ADH1C: variants seen among roughly 807,000 people sequenced by gnomAD.
ADH1C encodes the protein alcohol dehydrogenase 1C.
Under a neutral mutation model 35.0 loss-of-function variants are expected in ADH1C, and 26 were observed. The ratio of observed to expected loss-of-function variants is 0.74; its 90% CI spans 0.54 to 1.03. The LOEUF is 1.03. Ranked by LOEUF, ADH1C falls within the 50% of genes least tolerant of loss-of-function variation. ADH1C has a pLI of 0.00. For missense variants in ADH1C, 413 were observed against 465.4 expected (o/e 0.89, Z 1.04); for synonymous variants, 170 against 169.3 (o/e 1.00, Z -0.03).
intron 6 of ADH1C, among the ~76,000 whole-genome samples, chr4:99,341,439 G>A (rs1734413375): frequency 6.6e-6 from 1 of 152,146 alleles, no homozygotes; most frequent in Non-Finnish European, 1.5e-5. Flanking sequence ...ACATGTGGCT[G>A]TCAGACATTT....
chr4:99,344,128 A>T (rs1734473632), intron 5 of ADH1C, among the ~76,000 whole-genome samples: 1 of 152,174 alleles, frequency 6.6e-6, no homozygotes, highest in East Asian at 1.9e-4. Flanking sequence ...TGCTCATATT[A>T]AGCAGAAGTC....
At chr4:99,338,366 GATA>G (rs1404116285) in intron 8 of ADH1C, among the ~76,000 whole-genome samples, 2 of 121,490 alleles carry the variant, frequency 1.6e-5, no homozygotes, top group Non-Finnish European at 3.3e-5. Flanking sequence ...TAATGACAAT[GATA>G]ATTAACCTTT....
chr4:99,342,685 T>C, intron 6 of ADH1C, 110 bp downstream of exon 6: 2 of 1,504,970 alleles, frequency 1.3e-6, no homozygotes, highest in Non-Finnish European at 1.8e-6. Flanking sequence ...GACGGGAAAT[T>C]TCCATTCATC....
chr4:99,342,070 T>C (rs1052170674), intron 6 of ADH1C, among the ~76,000 whole-genome samples: 1 of 152,048 alleles, frequency 6.6e-6, no homozygotes, highest in African/African-American at 2.4e-5. Context: ...GCTGCTGACA[T>C]TTATTGGAAG....
chr4:99,342,730 C>T, intron 6 of ADH1C, 65 bp downstream of exon 6: 3 of 1,604,550 alleles, frequency 1.9e-6, no homozygotes, highest in African/African-American at 1.3e-5. Context: ...TACGTATATT[C>T]TACTGCCTAA....
At chr4:99,352,576 A>T in intron 1 of ADH1C, 82 bp downstream of exon 1, 1 of 1,221,546 alleles carries the variant, frequency 8.2e-7, no homozygotes, top group Middle Eastern at 2.8e-4. Context: ...TAAATTTTAA[A>T]TTATTCATTA....
chr4:99,340,661 A>G lies in ADH1C; in HGVS notation c.878T>C (p.Val293Ala), dbSNP rs1214454664. Residue 293 changes from valine (V) to alanine (A), a missense_variant, in exon 7 of 9, where the codon GTA (valine) becomes GCA (alanine). By Grantham distance (64) the Val-to-Ala change is moderately conservative. Coordinates refer to ENST00000515683, the MANE Select transcript of ADH1C (RefSeq NM_000669.5). ...CHEACGTSVI[V>A]GVPPDSQNLS... is the part of the protein sequence containing the mutation. ...GTTCTGGGAATCAGGAGGTACCCCT[A>G]CAATGACACTTGTGCCACATGCCTC... 3 of 1,613,322 alleles carry G rather than the reference A, an allele frequency of 1.9e-6. No homozygotes were observed. The highest frequency in any genetic ancestry group is 2.2e-5 in the South Asian group (2 of 91,036).
chr4:99,348,844 T>C (rs1003174992), intron 1 of ADH1C, among the ~76,000 whole-genome samples: 56 of 152,338 alleles, frequency 3.7e-4, no homozygotes, highest in African/African-American at 1.3e-3. Context: ...TGGTATCTCA[T>C]TGTGATTTTG....
At chr4:99,340,148 C>T (rs1270714637) in intron 7 of ADH1C, among the ~76,000 whole-genome samples, 3 of 152,336 alleles carry the variant, frequency 2.0e-5, no homozygotes, top group East Asian at 3.9e-4. Flanking sequence ...CATGATGGCT[C>T]ATGCCTGTAA....
chr4:99,350,189 A>T (rs1354166595), intron 1 of ADH1C, among the ~76,000 whole-genome samples: 1 of 152,154 alleles, frequency 6.6e-6, no homozygotes, highest in African/African-American at 2.4e-5. Flanking sequence ...GGAGTTTCTG[A>T]TTGTCAGGTG....
chr4:99,343,479 A>G (rs1038746959), intron 5 of ADH1C, among the ~76,000 whole-genome samples: 3 of 152,226 alleles, frequency 2.0e-5, no homozygotes, highest in African/African-American at 7.2e-5. Flanking sequence ...CAGCTTCAGT[A>G]TCTCATACAT....
intron 6 of ADH1C, among the ~76,000 whole-genome samples, chr4:99,341,069 A>G (rs1734404491): frequency 6.6e-6 from 1 of 152,226 alleles, no homozygotes; most frequent in Non-Finnish European, 1.5e-5. Context: ...TTGATTTATT[A>G]CATAGGTATT....
In ADH1C at chr4:99,342,180, G is replaced by A. The variant is rs576465595; in HGVS notation, c.828+615C>T. Among the ~76,000 whole-genome samples, 19 of 152,244 alleles carry A rather than the reference G, an allele frequency of 1.2e-4. No homozygotes were observed. The East Asian group carries it at 1.5e-3, about 12-fold the overall frequency. On this transcript the variant is annotated intron_variant, in intron 6 of 8. Coordinates refer to ENST00000515683, the MANE Select transcript of ADH1C (RefSeq NM_000669.5). ...GAGATATGTAGCTCTTAACTTTTGC[G>A]GGTGGTAAAATCTGTTGACTTTATT...
chr4:99,340,799 G>A, intron 6 of ADH1C, 89 bp from the exon 7 acceptor site: 2 of 1,552,166 alleles, frequency 1.3e-6, no homozygotes, highest in Admixed American at 3.4e-5. Context: ...GGCTTAGCTG[G>A]ATTGTGAGTG....
At chr4:99,337,575 A>T (rs923365710) in intron 8 of ADH1C, among the ~76,000 whole-genome samples, 1 of 152,100 alleles carries the variant, frequency 6.6e-6, no homozygotes, top group African/African-American at 2.4e-5. Context: ...TTTGCGACTG[A>T]GAATTTTATA....
At chr4:99,339,759 T>A in intron 7 of ADH1C, 44 bp from the exon 8 acceptor site, 2 of 1,558,284 alleles carry the variant, frequency 1.3e-6, no homozygotes, top group Non-Finnish European at 1.7e-6. Flanking sequence ...CCAGGGTAAG[T>A]AGGAGAATTG....
chr4:99,336,501 TAAG>T lies in ADH1C; in HGVS notation c.*248_*250del, dbSNP rs1734279996. 3.6e-6 allele frequency: 2 copies of T among 552,010 alleles called. No homozygotes were observed. Among genetic ancestry groups the T allele is most frequent in the East Asian group, 6.1e-5 (2 of 32,780 alleles). The allele number at this position is 552,010 out of a possible 1,614,324, so 34.2% of individuals were successfully genotyped here. On this transcript the variant is annotated 3_prime_UTR_variant, in exon 9 of 9. Transcript: ENST00000515683. ...AAAGATGGCACACAAGTTGAATGGT[TAAG>T]AAGGAAGGTTTATTGGCTTCAATTC... is the stretch of plus-strand genomic sequence containing the variant.
rs1734428600 is a variant in ADH1C, at chr4:99,342,059, G to T, written c.828+736C>A. On this transcript the variant is annotated intron_variant, in intron 6 of 8. Transcript: ENST00000515683. ...ATAAATAAAATAAAATAAAAAAGGG[G>T]GCTGCTGACATTTATTGGAAGCTAA... 2.0e-5 allele frequency among the ~76,000 whole-genome samples: 3 copies of T among 151,786 alleles called. No homozygotes were observed. In the South Asian group the frequency reaches 6.3e-4, roughly 32 times the overall value.
At chr4:99,337,288 G>T (rs1022851030) in intron 8 of ADH1C, among the ~76,000 whole-genome samples, 1 of 151,776 alleles carries the variant, frequency 6.6e-6, no homozygotes, top group African/African-American at 2.4e-5. Context: ...ATAGGGTGTT[G>T]GGATTCAAAC....
Sources: gnomAD v4.1 joint callset for allele counts (sites outside exome capture counted in the v4.1 genomes callset) on GRCh38, gnomAD v4.1.1 for gene constraint, MANE v1.5 for transcripts, NCBI Gene and HGNC (gene_info 2026-07-23, HGNC 2026-07-21) for gene names.